Variants in ATF3 observed in about 807,000 individuals in gnomAD.
ATF3 encodes activating transcription factor 3.
A neutral mutation model predicts 18.4 loss-of-function variants in ATF3; 10 were observed. The observed-to-expected ratio is 0.54, with a 90% CI of 0.34 to 0.92. The LOEUF (loss-of-function observed/expected upper bound fraction) is 0.92, where lower values mean the gene tolerates loss of function less well. Ranked by LOEUF, ATF3 falls within the 40% of genes least tolerant of loss-of-function variation. The pLI is 0.02. For synonymous variants in ATF3, 78 were observed against 87.9 expected, an observed-to-expected ratio of 0.89 and a Z score of 0.63; for missense variants, 183 against 222.3, an observed-to-expected ratio of 0.82 and a Z score of 1.12.
intron 1 of ATF3, among the ~76,000 whole-genome samples, chr1:212,580,813 G>T (rs1266938354): frequency 6.6e-6 from 1 of 152,110 alleles, no homozygotes; most frequent in Non-Finnish European, 1.5e-5. Flanking sequence ...CTGTCACCCA[G>T]GCTGGAGTGC....
chr1:212,581,914 C>G (rs1664691254), intron 1 of ATF3, among the ~76,000 whole-genome samples: 1 of 152,084 alleles, frequency 6.6e-6, no homozygotes. Context: ...TAAGAGGATG[C>G]TATTTGGGGT....
At chr1:212,586,027 C>T (rs1571765144) in intron 1 of ATF3, among the ~76,000 whole-genome samples, 1 of 152,294 alleles carries the variant, frequency 6.6e-6, no homozygotes, top group East Asian at 1.9e-4. Context: ...TTGTTGGGTC[C>T]TCCAGCCCCT....
chr1:212,575,747 C>G lies in ATF3; in HGVS notation c.-5+10264C>G, dbSNP rs115516659. ...GAATGAATGCTATATTCTGTCAATG[C>G]CTTTTCTGCATTTCTTGAGATACTA... On this transcript the variant is annotated intron_variant, in intron 1 of 3. Transcript: ENST00000366981. 5.2e-3 allele frequency among the ~76,000 whole-genome samples: 797 copies of G among 152,096 alleles called. 6 individuals carry two copies. Among genetic ancestry groups the G allele is most frequent in the African/African-American group, 0.019 (772 of 41,510 alleles).
In ATF3 at chr1:212,619,220, A is replaced by G. The variant is rs1250030416; in HGVS notation, c.349-138A>G. 3 of 1,610,294 alleles carry G rather than the reference A, an allele frequency of 1.9e-6. No individual in the cohort carries two copies. In the Admixed American group the frequency reaches 5.0e-5, roughly 27 times the overall value. On this transcript the variant is annotated intron_variant, in intron 3 of 3. Coordinates refer to ENST00000341491, the MANE Select transcript of ATF3 (RefSeq NM_001674.4). The surrounding 1 kb of genome is among the most constrained non-coding windows in gnomAD (Gnocchi z 4.4). Reference sequence around the variant, plus strand: ...TTCCTAAACCCAGTGCTGCTCTCCCATCTCCCATCTTCCTCTCGCAGCTTG... The same window carrying G: ...TTCCTAAACCCAGTGCTGCTCTCCCGTCTCCCATCTTCCTCTCGCAGCTTG...
chr1:212,595,877 A>C (rs948881488), intron 1 of ATF3, among the ~76,000 whole-genome samples: 16 of 152,208 alleles, frequency 1.1e-4, no homozygotes, highest in African/African-American at 3.6e-4. Flanking sequence ...CTACACAAGG[A>C]AGTGACTTTG....
rs1472149980 is a variant in ATF3, at chr1:212,618,542, AG to A, written c.348+310del. 2.3e-6 allele frequency: 1 copy of A among 440,884 alleles called. No homozygotes were observed. Among genetic ancestry groups the A allele is most frequent in the Admixed American group, 3.7e-5 (1 of 26,722 alleles). 27.3% of individuals were successfully genotyped at this position (440,884 alleles called of 1,614,324 possible). A position where few individuals can be genotyped will look rare whatever the true frequency, so the allele number is the denominator to read the frequency against. ...GCAGGACATGCCAGCCCAGTTAAAG[AG>A]GCTTCACTTGACTGTTTTCCTGAGA... On this transcript the variant is annotated intron_variant, in intron 3 of 3. Coordinates refer to ENST00000341491, the MANE Select transcript of ATF3 (RefSeq NM_001674.4). This position sits in a 1 kb window ranked among gnomAD's most constrained non-coding sequence, Gnocchi z 4.4.
chr1:212,616,716 G>C (rs1382178521), intron 2 of ATF3, among the ~76,000 whole-genome samples: 2 of 152,228 alleles, frequency 1.3e-5, no homozygotes, highest in Admixed American at 1.3e-4. Flanking sequence ...GAGTCAGGGG[G>C]CCTGCAGCAG....
In ATF3 at chr1:212,615,260, A is replaced by T; in HGVS notation, c.239A>T (p.Glu80Val). The T allele has an allele frequency of 6.2e-7, 1 of 1,609,752 alleles. No individual in the cohort carries two copies. The highest frequency in any genetic ancestry group is 1.1e-5 in the South Asian group (1 of 91,058). ...RPLGVSITKA[E>V]VAPEEDERKK... ...CTCGGGGTGTCCATCACAAAAGCCG[A>T]GGTGGGTTCTATCACAGGTATTCAT... The change falls in exon 2 of 4, where the codon GAG becomes GTG. Residue 80 changes from glutamate to valine, a missense_variant and splice_region_variant. Physicochemically the swap from Glu to Val is moderately radical, Grantham distance 121. Coordinates refer to ENST00000341491, the MANE Select transcript of ATF3 (RefSeq NM_001674.4).
intron 1 of ATF3, among the ~76,000 whole-genome samples, chr1:212,567,266 T>A (rs1458282870): frequency 6.6e-6 from 1 of 152,198 alleles, no homozygotes; most frequent in Non-Finnish European, 1.5e-5. Context: ...CATCTGACAT[T>A]AACATAATTA....
intron 1 of ATF3, among the ~76,000 whole-genome samples, chr1:212,591,773 C>A (rs1226675315): frequency 6.6e-6 from 1 of 152,158 alleles, no homozygotes; most frequent in Non-Finnish European, 1.5e-5. Context: ...CCCTTCCGCA[C>A]ACTTTTCTTT....
chr1:212,618,942 A>C lies in ATF3; in HGVS notation c.349-416A>C. The C allele has an allele frequency of 1.4e-6, 2 of 1,451,660 alleles. No individual in the cohort carries two copies. The highest frequency in any genetic ancestry group is 9.6e-7 in the Non-Finnish European group (1 of 1,041,954). The allele number at this position is 1,451,660 out of a possible 1,614,324, so 89.9% of individuals were successfully genotyped here. On this transcript the variant is annotated intron_variant, in intron 3 of 3. Transcript: ENST00000341491. This position sits in a 1 kb window ranked among gnomAD's most constrained non-coding sequence, Gnocchi z 4.4. Reference sequence around the variant, plus strand: ...TCAGGGGATCAGTGAAAATTAGGGAATTTTGTGTGTTGCTATATACATTTT... The same window carrying C: ...TCAGGGGATCAGTGAAAATTAGGGACTTTTGTGTGTTGCTATATACATTTT...
intron 1 of ATF3, among the ~76,000 whole-genome samples, chr1:212,596,957 C>T (rs987042046): frequency 6.6e-6 from 1 of 152,210 alleles, no homozygotes; most frequent in Admixed American, 6.5e-5. Flanking sequence ...GGATGTCCAG[C>T]TCTTGAACAA....
At chr1:212,593,286 G>A (rs994434482) in intron 1 of ATF3, among the ~76,000 whole-genome samples, 1 of 135,338 alleles carries the variant, frequency 7.4e-6, no homozygotes, top group African/African-American at 2.8e-5. Flanking sequence ...ACCGGAGACT[G>A]TTGTGGGGTG....
At chr1:212,617,575 T>A (rs1655181858) in intron 2 of ATF3, among the ~76,000 whole-genome samples, 1 of 152,168 alleles carries the variant, frequency 6.6e-6, no homozygotes, top group African/African-American at 2.4e-5. Flanking sequence ...GGGAATGGGC[T>A]TAGGTGCCTT....
chr1:212,567,726 G>A lies in ATF3; in HGVS notation c.-5+2243G>A, dbSNP rs146927187. Among the ~76,000 whole-genome samples, 388 of 152,268 alleles carry A rather than the reference G, an allele frequency of 2.5e-3. 3 individuals are homozygous for A. Among genetic ancestry groups the A allele is most frequent in the African/African-American group, 8.7e-3 (360 of 41,546 alleles). On this transcript the variant is annotated intron_variant, in intron 1 of 3. Transcript: ENST00000366981. Reference sequence around the variant, plus strand: ...GCTGCTGCTTCTAAAATAGGAACAAGGACAAAAATCATTTCCCCCAGTTTT... The same window carrying A: ...GCTGCTGCTTCTAAAATAGGAACAAAGACAAAAATCATTTCCCCCAGTTTT...
Position 212,619,486 on chromosome 1 carries a change from T to C in ATF3, c.477T>C (p.Asn159=), listed in dbSNP as rs2102667773. The C allele has an allele frequency of 6.2e-7, 1 of 1,614,172 alleles. No individual in the cohort carries two copies. The highest frequency in any genetic ancestry group is 8.5e-7 in the Non-Finnish European group (1 of 1,180,022). The change falls in exon 4 of 4, where the codon AAT becomes AAC. Residue 159 remains asparagine (N), a synonymous_variant. Coordinates refer to ENST00000341491, the MANE Select transcript of ATF3 (RefSeq NM_001674.4). The surrounding 1 kb of genome is among the most constrained non-coding windows in gnomAD (Gnocchi z 4.4). ...HRPTCIVRAQ[N]GRTPEDERNL... The stretch of plus-strand genomic sequence containing the variant: ...CCACGTGTATTGTCCGGGCTCAGAA[T>C]GGGAGGACTCCAGAAGATGAGAGAA...
intron 1 of ATF3, among the ~76,000 whole-genome samples, chr1:212,566,396 C>T (rs917981549): frequency 6.6e-6 from 1 of 152,194 alleles, no homozygotes; most frequent in African/African-American, 2.4e-5. Flanking sequence ...TTCTCTGAAA[C>T]TCAATTTTCC....
rs1655314753 is a variant in ATF3, at chr1:212,620,080, C to T, written c.*525C>T. On this transcript the variant is annotated 3_prime_UTR_variant, in exon 4 of 4. Coordinates refer to ENST00000341491, the MANE Select transcript of ATF3 (RefSeq NM_001674.4). The stretch of plus-strand genomic sequence containing the variant: ...GTGTGCAAGAAAACTAGGCAATGTA[C>T]TCTTCCGATGTTTGTGTCACACAAC... 1 of 178,770 alleles carries T rather than the reference C, an allele frequency of 5.6e-6. No individual in the cohort carries two copies. The highest frequency in any genetic ancestry group is 1.4e-4 in the East Asian group (1 of 6,988). The allele number at this position is 178,770 out of a possible 1,614,324, so 11.1% of individuals were successfully genotyped here.
intron 1 of ATF3, among the ~76,000 whole-genome samples, chr1:212,570,684 C>G (rs1664464531): frequency 6.6e-6 from 1 of 152,132 alleles, no homozygotes; most frequent in Non-Finnish European, 1.5e-5. Flanking sequence ...TTAGTTTGGT[C>G]TGTTTTTGAC....
Sources: allele counts gnomAD v4.1 joint callset (sites outside exome capture counted in the v4.1 genomes callset), GRCh38; gene constraint gnomAD v4.1.1; non-coding constraint Gnocchi (gnomAD v3.1); transcripts MANE v1.5; gene names NCBI Gene and HGNC (gene_info 2026-07-23, HGNC 2026-07-21).